Variants in VWF observed in about 807,000 individuals in gnomAD.
VWF encodes von Willebrand factor.
VWF carries 176 observed loss-of-function variants against 308.6 expected under a neutral mutation model. That is an observed-to-expected ratio of 0.57 (90% CI 0.50 to 0.65). The LOEUF (loss-of-function observed/expected upper bound fraction) is 0.65. VWF is among the 30% of genes least tolerant of loss of function. VWF has a pLI of 0.00. For synonymous variants in VWF, 1,385 were observed against 1,443.4 expected (o/e 0.96, Z 0.92); for missense variants, 3,146 against 3,648.2 (o/e 0.86, Z 3.55).
intron 36 of VWF, 47 bp downstream of exon 36, chr12:5,994,368 A>G (rs1943782909): frequency 6.2e-7 from 1 of 1,609,686 alleles, no homozygotes; most frequent in African/African-American, 1.3e-5. Flanking sequence ...AGTAAGGTTT[A>G]TAAATGTATA....
intron 19 of VWF, 42 bp from the exon 20 acceptor site, chr12:6,034,868 G>C (rs757833876): frequency 6.2e-6 from 10 of 1,610,688 alleles, no homozygotes; most frequent in Admixed American, 1.7e-5. Flanking sequence ...GGGCACCTTG[G>C]GTTTGAGGGG....
intron 5 of VWF, among the ~76,000 whole-genome samples, chr12:6,108,324 A>G (rs1008135090): frequency 1.1e-4 from 8 of 76,036 alleles, no homozygotes; most frequent in Admixed American, 8.7e-4. Flanking sequence ...GAAAGAAAGA[A>G]AGAAATATAT....
At chr12:6,092,620 T>TGAGAGTGAGAGTGAGAGA (rs1250915385) in intron 6 of VWF, among the ~76,000 whole-genome samples, 3 of 89,676 alleles carry the variant, frequency 3.3e-5, no homozygotes, top group Non-Finnish European at 6.3e-5. Context: ...TGAGTGAGAG[T>TGAGAGTGAGAGTGAGAGA]GTGTGTGTGT....
intron 47 of VWF, among the ~76,000 whole-genome samples, chr12:5,967,172 G>A (rs1458361626): frequency 2.0e-5 from 3 of 152,102 alleles, no homozygotes; most frequent in South Asian, 2.1e-4. Flanking sequence ...TTCAAAGAAC[G>A]GTGGTGCTGT....
chr12:6,062,832 G>A (rs1323496862), intron 13 of VWF, 122 bp downstream of exon 13: 4 of 786,728 alleles, frequency 5.1e-6, no homozygotes, highest in Admixed American at 2.1e-5. Context: ...TCGCTCTGGG[G>A]GTGTAGGCCA....
intron 43 of VWF, 33 bp downstream of exon 43, chr12:5,976,078 G>T (rs927026909): frequency 3.1e-6 from 5 of 1,612,734 alleles, no homozygotes; most frequent in Non-Finnish European, 4.2e-6. Context: ...CGCTCTGATA[G>T]CTGCAGGCAT....
Position 6,046,114 on chromosome 12 carries a change from C to T in VWF, c.2281+609G>A, listed in dbSNP as rs1205751041. Among the ~76,000 whole-genome samples the T allele has an allele frequency of 6.6e-6, 1 of 152,134 alleles. No homozygotes were observed. Among genetic ancestry groups the T allele is most frequent in the Non-Finnish European group, 1.5e-5 (1 of 68,038 alleles). On this transcript the variant is annotated intron_variant, in intron 17 of 51. Coordinates refer to ENST00000261405, the MANE Select transcript of VWF (RefSeq NM_000552.5). The surrounding 1 kb of genome is among the most constrained non-coding windows in gnomAD (Gnocchi z 5.0). The stretch of plus-strand genomic sequence containing the variant: ...TGGCGCATGCCTGTAATTCCAGCTA[C>T]TTGGGAGGCTGAGGCACGAGAATTG...
chr12:6,026,293 C>A (rs1286908418), intron 22 of VWF, among the ~76,000 whole-genome samples: 1 of 152,260 alleles, frequency 6.6e-6, no homozygotes, highest in South Asian at 2.1e-4. Context: ...AGGCAACATG[C>A]CCATGTCACA....
intron 17 of VWF, among the ~76,000 whole-genome samples, chr12:6,045,165 A>C (rs1277246365): frequency 1.3e-5 from 2 of 152,222 alleles, no homozygotes; most frequent in Non-Finnish European, 2.9e-5. Context: ...CTTCGTGGCA[A>C]TTAGTAGGTA....
intron 46 of VWF, among the ~76,000 whole-genome samples, 162 bp from the exon 47 acceptor site, chr12:5,967,764 C>T (rs1943420962): frequency 1.3e-5 from 2 of 152,208 alleles, no homozygotes; most frequent in Non-Finnish European, 2.9e-5. Flanking sequence ...CGTCCTCCCA[C>T]CTCCAGTATC....
intron 43 of VWF, 41 bp downstream of exon 43, chr12:5,976,070 C>A: frequency 6.2e-7 from 1 of 1,612,700 alleles, no homozygotes; most frequent in Non-Finnish European, 8.5e-7. Context: ...TACTTTCCCG[C>A]TCTGATAGCT....
At chr12:6,048,476 T>G (rs1944471577) in intron 16 of VWF, among the ~76,000 whole-genome samples, 1 of 145,892 alleles carries the variant, frequency 6.9e-6, no homozygotes, top group African/African-American at 2.6e-5. Context: ...TGTTTTTGTT[T>G]TTTTGAGACA....
At chr12:5,980,149 G>A (rs1454930712) in intron 42 of VWF, among the ~76,000 whole-genome samples, 1 of 75,972 alleles carries the variant, frequency 1.3e-5, no homozygotes, top group Admixed American at 1.6e-4. Flanking sequence ...AAAGGAGTGA[G>A]GGAGGGAGTG....
chr12:6,016,604 A>C lies in VWF; in HGVS notation c.5223T>G (p.Ile1741Met), dbSNP rs777783627. The C allele has an allele frequency of 1.2e-6, 2 of 1,614,188 alleles. No homozygotes were observed. The highest frequency in any genetic ancestry group is 2.2e-5 in the South Asian group (2 of 91,088). The change falls in exon 30 of 52, where the codon ATT (isoleucine) becomes ATG (methionine). Residue 1741 changes from isoleucine (I) to methionine (M), a missense_variant. By Grantham distance (10) the Ile-to-Met change is conservative. This residue lies in a region of VWF where 853 missense variants were observed against 1,177.8 expected (regional missense o/e 0.72). Coordinates refer to ENST00000261405, the MANE Select transcript of VWF (RefSeq NM_000552.5). ...CCGGGACCACGTTCCATGGCACGTCAATGGTGGTGATGCTTCCATACTGCA... is the reference window on the plus strand; with the variant it reads ...CCGGGACCACGTTCCATGGCACGTCCATGGTGGTGATGCTTCCATACTGCA... ...SVLQYGSITT[I>M]DVPWNVVPEK...
intron 6 of VWF, among the ~76,000 whole-genome samples, chr12:6,087,262 G>GA (rs1362117943): frequency 6.6e-6 from 1 of 151,956 alleles, no homozygotes. Flanking sequence ...ATGAAAGAAG[G>GA]AATTTACCAG....
intron 15 of VWF, among the ~76,000 whole-genome samples, chr12:6,053,846 G>T (rs1944546225): frequency 6.6e-6 from 1 of 152,226 alleles, no homozygotes; most frequent in Non-Finnish European, 1.5e-5. Flanking sequence ...TAAGGAAACA[G>T]CCCCAGCTCA....
At chr12:6,064,436 T>C (rs1195273485) in intron 11 of VWF, 52 bp from the exon 12 acceptor site, 1 of 1,609,486 alleles carries the variant, frequency 6.2e-7, no homozygotes, top group Non-Finnish European at 8.5e-7. Flanking sequence ...CCTATCCAGC[T>C]CCCCAGCCCA....
At chr12:6,088,494 C>CGA (rs72322913) in intron 6 of VWF, among the ~76,000 whole-genome samples, 20 of 137,308 alleles carry the variant, frequency 1.5e-4, no homozygotes, top group East Asian at 1.0e-3. Context: ...AAAAAAAAAG[C>CGA]GAGAGAGAGA....
chr12:6,013,741 G>GC, intron 31 of VWF, 96 bp from the exon 32 acceptor site: 1 of 1,436,550 alleles, frequency 7.0e-7, no homozygotes, highest in Non-Finnish European at 9.7e-7. Flanking sequence ...ACAGCCTCAT[G>GC]TTTTCCAGGC....
Sources: gnomAD v4.1 joint callset for allele counts (sites outside exome capture counted in the v4.1 genomes callset) on GRCh38, gnomAD v4.1.1 for gene constraint, gnomAD v4.1.1 regional missense constraint, Gnocchi (gnomAD v3.1) non-coding constraint, MANE v1.5 for transcripts, NCBI Gene and HGNC (gene_info 2026-07-23, HGNC 2026-07-21) for gene names.